Variants in FSTL5 observed in about 807,000 individuals in gnomAD.
FSTL5 encodes follistatin like 5, also known as follistatin-related protein 5.
Under a neutral mutation model 89.1 loss-of-function variants are expected in FSTL5, and 62 were observed. That is an observed-to-expected ratio of 0.70 (90% CI 0.57 to 0.86). The LOEUF is 0.86. Ranked by LOEUF, FSTL5 falls within the 40% of genes least tolerant of loss-of-function variation. The pLI, the probability that FSTL5 is intolerant of heterozygous loss-of-function variation, is 0.00. For synonymous variants in FSTL5, 383 were observed against 346.2 expected (o/e 1.11, Z -1.18); for missense variants, 1,057 against 1,001.6 (o/e 1.06, Z -0.75).
intron 15 of FSTL5, among the ~76,000 whole-genome samples, chr4:161,410,962 A>AAAT (rs1489938100): frequency 2.0e-5 from 3 of 152,072 alleles, no homozygotes; most frequent in Non-Finnish European, 2.9e-5. Flanking sequence ...AAAAAAAAAA[A>AAAT]AATAAGATTG....
In FSTL5 at chr4:161,884,272, G is replaced by A. The variant is rs542468835; in HGVS notation, c.409+36132C>T. 1.5e-4 allele frequency among the ~76,000 whole-genome samples: 23 copies of A among 152,062 alleles called. 2 individuals carry two copies. The South Asian group carries it at 2.7e-3, about 18-fold the overall frequency. On this transcript the variant is annotated intron_variant, in intron 4 of 15. Coordinates refer to ENST00000306100, the MANE Select transcript of FSTL5 (RefSeq NM_020116.5). ...AGACTGGTCTCAAACTCCTGACCTC[G>A]TGATCTGCCTGCCTCAGCATTTTTC...
In FSTL5 at chr4:161,650,039, T is replaced by C. The variant is rs147717646; in HGVS notation, c.894+6289A>G. ...GAGCAAAAATAATGAAAGCTGTATA[T>C]AGTATGTTTTATAAAATAGTAAAGT... is the stretch of plus-strand genomic sequence containing the variant. On this transcript the variant is annotated intron_variant, in intron 7 of 15. Transcript: ENST00000306100. Among the ~76,000 whole-genome samples, 912 of 152,332 alleles carry C rather than the reference T, an allele frequency of 6.0e-3. 9 individuals carry two copies. The highest frequency in any genetic ancestry group is 0.045 in the South Asian group (219 of 4,830).
At chr4:161,477,498 C>T (rs1357316446) in intron 13 of FSTL5, among the ~76,000 whole-genome samples, 1 of 150,844 alleles carries the variant, frequency 6.6e-6, no homozygotes, top group Admixed American at 6.6e-5. Context: ...TCTCCCTTCT[C>T]TTTCTATTGT....
At chr4:161,940,735 T>C (rs1453187988) in intron 3 of FSTL5, among the ~76,000 whole-genome samples, 1 of 151,852 alleles carries the variant, frequency 6.6e-6, no homozygotes, top group Non-Finnish European at 1.5e-5. Flanking sequence ...TTGATGCTAG[T>C]AGACCTTCAC....
At chr4:162,149,393 C>T (rs1017243763) in intron 1 of FSTL5, among the ~76,000 whole-genome samples, 3 of 151,850 alleles carry the variant, frequency 2.0e-5, no homozygotes, top group Non-Finnish European at 4.4e-5. Context: ...AAAATTTAGC[C>T]AGGTGTGGTG....
chr4:161,733,569 T>C (rs1230584733), intron 6 of FSTL5, among the ~76,000 whole-genome samples: 2 of 152,070 alleles, frequency 1.3e-5, no homozygotes, highest in African/African-American at 4.8e-5. Flanking sequence ...AGCAGATGCT[T>C]ACTTCTCAGT....
At chr4:162,134,435 C>T (rs946777152) in intron 1 of FSTL5, among the ~76,000 whole-genome samples, 7 of 152,092 alleles carry the variant, frequency 4.6e-5, no homozygotes, top group African/African-American at 1.7e-4. Flanking sequence ...AGCAATTACA[C>T]ACTATTTTCT....
intron 1 of FSTL5, among the ~76,000 whole-genome samples, chr4:162,117,404 G>A (rs1731683281): frequency 6.6e-6 from 1 of 152,162 alleles, no homozygotes; most frequent in Admixed American, 6.5e-5. Flanking sequence ...AGTCCAAATG[G>A]AGATATTAGC....
At chr4:161,988,065 TA>T (rs5863506) in intron 3 of FSTL5, among the ~76,000 whole-genome samples, 25 of 146,840 alleles carry the variant, frequency 1.7e-4, no homozygotes, top group Middle Eastern at 3.5e-3. Context: ...AAAAAACCAC[TA>T]AAAAAAAAAC....
rs779449215 is a variant in FSTL5 at position 161,775,961 on chromosome 4, G to A, written c.523C>T (p.Arg175Trp). ...ATTTGATCCACCAATAGCTTCTTCC[G>A]AGATATGTCGTCGCCATTAGGATTT... ...NENPNGDDIS[R>W]KKLLVDQMFK... is the part of the protein sequence containing the mutation. The change falls in exon 5 of 16, where the codon CGG (arginine) becomes TGG (tryptophan). Residue 175 changes from arginine (R) to tryptophan (W), a missense_variant. By Grantham distance (101) the Arg-to-Trp change is moderately radical (BLOSUM62 -3). Coordinates refer to ENST00000306100, the MANE Select transcript of FSTL5 (RefSeq NM_020116.5). The A allele has an allele frequency of 1.2e-5, 19 of 1,606,206 alleles. No homozygotes were observed. Among genetic ancestry groups the A allele is most frequent in the Admixed American group, 5.1e-5 (3 of 59,232 alleles).
chr4:161,572,049 C>T (rs1733033804), intron 8 of FSTL5, among the ~76,000 whole-genome samples: 1 of 151,992 alleles, frequency 6.6e-6, no homozygotes, highest in African/African-American at 2.4e-5. Context: ...GTGGCTCGCA[C>T]CTGTAATTCC....
At chr4:161,512,907 T>C (rs1435531563) in intron 10 of FSTL5, among the ~76,000 whole-genome samples, 3 of 152,050 alleles carry the variant, frequency 2.0e-5, no homozygotes, top group Admixed American at 2.0e-4. Flanking sequence ...CAAGATTGAA[T>C]TACTGTATTT....
chr4:162,045,814 A>T (rs917411677), intron 2 of FSTL5, among the ~76,000 whole-genome samples: 1 of 152,144 alleles, frequency 6.6e-6, no homozygotes, highest in Non-Finnish European at 1.5e-5. Context: ...TAAAATAAAT[A>T]ATTTTTTAAA....
chr4:161,892,467 T>C (rs923727916), intron 4 of FSTL5, among the ~76,000 whole-genome samples: 1 of 149,860 alleles, frequency 6.7e-6, no homozygotes, highest in Non-Finnish European at 1.5e-5. Flanking sequence ...CTCACTACTA[T>C]AGGAACACCA....
chr4:161,416,301 C>A (rs745775802), intron 15 of FSTL5, among the ~76,000 whole-genome samples: 30 of 152,062 alleles, frequency 2.0e-4, no homozygotes, highest in Non-Finnish European at 4.0e-4. Context: ...GAGCCAATGA[C>A]CTTTCATTCA....
chr4:162,045,405 T>C (rs1480267919), intron 2 of FSTL5, among the ~76,000 whole-genome samples: 3 of 152,104 alleles, frequency 2.0e-5, no homozygotes, highest in South Asian at 4.1e-4. Context: ...AAAACAGTAA[T>C]AATTGTAACA....
chr4:161,850,814 T>C (rs934157240), intron 4 of FSTL5, among the ~76,000 whole-genome samples: 3 of 152,148 alleles, frequency 2.0e-5, no homozygotes, highest in Non-Finnish European at 2.9e-5. Flanking sequence ...GTGGTACATA[T>C]ACAAAATGGA....
intron 10 of FSTL5, among the ~76,000 whole-genome samples, chr4:161,532,540 C>T (rs1029515163): frequency 6.6e-6 from 1 of 152,150 alleles, no homozygotes; most frequent in Admixed American, 6.5e-5. Context: ...TCAATAATTT[C>T]TTAATATGTG....
In FSTL5 at chr4:161,707,499, C is replaced by T. The variant is rs186501986; in HGVS notation, c.728-51005G>A. On this transcript the variant is annotated intron_variant, in intron 6 of 15. Coordinates refer to ENST00000306100, the MANE Select transcript of FSTL5 (RefSeq NM_020116.5). Reference sequence around the variant, plus strand: ...TGTCTTTATGCCATAAAATTTGTTACGGCATAAAGACGGAGGATGCACTGC... The same window carrying T: ...TGTCTTTATGCCATAAAATTTGTTATGGCATAAAGACGGAGGATGCACTGC... Among the ~76,000 whole-genome samples the T allele has an allele frequency of 6.9e-3, 1,046 of 151,836 alleles. 17 individuals are homozygous for T. Among genetic ancestry groups the T allele is most frequent in the African/African-American group, 0.022 (928 of 41,436 alleles).
Sources: gnomAD v4.1 joint callset for allele counts (sites outside exome capture counted in the v4.1 genomes callset) on GRCh38, gnomAD v4.1.1 for gene constraint, MANE v1.5 for transcripts, NCBI Gene and HGNC (gene_info 2026-07-23, HGNC 2026-07-21) for gene names.